Variants in LGSN observed in about 807,000 individuals in gnomAD.
LGSN encodes lengsin, lens protein with glutamine synthetase domain.
A neutral mutation model predicts 19.5 loss-of-function variants in LGSN; 21 were observed. That is an observed-to-expected ratio of 1.07 (90% confidence interval 0.76 to 1.55). LGSN has a LOEUF of 1.55. Ranked by LOEUF, LGSN falls within the 40% of genes most tolerant of loss-of-function variation. The pLI, the probability that LGSN is intolerant of heterozygous loss-of-function variation, is 0.00. For missense variants in LGSN, 673 were observed against 608.5 expected (o/e 1.11, Z -1.12); for synonymous variants, 257 against 215.6 (o/e 1.19, Z -1.68).
chr6:63,311,968 A>G (rs1326590621), intron 1 of LGSN, among the ~76,000 whole-genome samples: 1 of 152,184 alleles, frequency 6.6e-6, no homozygotes. Context: ...CACATCACAT[A>G]TAAGTGAGAT....
At chr6:63,549,309 C>G in the LGSN span, 7 of 753,300 alleles carry the variant, frequency 9.3e-6, no homozygotes, top group South Asian at 5.5e-5. Context: ...GAGGATGGCT[C>G]TCTGCCGCTG....
chr6:63,283,584 CAT>C (rs1186589622), intron 3 of LGSN, among the ~76,000 whole-genome samples: 2 of 149,340 alleles, frequency 1.3e-5, no homozygotes, highest in African/African-American at 4.9e-5. Flanking sequence ...ACCACACACA[CAT>C]GCAATGTTTA....
At chr6:63,283,649 TACAC>T (rs151104344) in intron 3 of LGSN, among the ~76,000 whole-genome samples, 2 of 145,480 alleles carry the variant, frequency 1.4e-5, no homozygotes, top group Non-Finnish European at 1.5e-5. Context: ...TGGAATAAGG[TACAC>T]ACACACACAC....
chr6:63,446,046 C>G, the LGSN span, among the ~76,000 whole-genome samples: 10 of 151,898 alleles, frequency 6.6e-5, no homozygotes, highest in African/African-American at 2.4e-4. Context: ...GTCAGGAGTT[C>G]GAGACCAGCC....
At chr6:63,339,365 G>A in the LGSN span, among the ~76,000 whole-genome samples, 4 of 152,192 alleles carry the variant, frequency 2.6e-5, no homozygotes, top group South Asian at 2.1e-4. Flanking sequence ...TATATTGAGC[G>A]CACATATATT....
the LGSN span, among the ~76,000 whole-genome samples, chr6:63,336,982 G>A: frequency 6.6e-6 from 1 of 151,208 alleles, no homozygotes; most frequent in Non-Finnish European, 1.5e-5. Context: ...GGAGTGCAAT[G>A]GCACAATCTC....
At chr6:63,408,974 A>C in the LGSN span, among the ~76,000 whole-genome samples, 1 of 152,190 alleles carries the variant, frequency 6.6e-6, no homozygotes, top group Non-Finnish European at 1.5e-5. Flanking sequence ...GCAGTAGTGC[A>C]ATTATAGCTC....
At chr6:63,360,089 C>T in the LGSN span, among the ~76,000 whole-genome samples, 1 of 151,652 alleles carries the variant, frequency 6.6e-6, no homozygotes, top group East Asian at 1.9e-4. Flanking sequence ...TCTGGGTGCT[C>T]TTAACATTTT....
At chr6:63,433,335 T>C in the LGSN span, among the ~76,000 whole-genome samples, 3 of 152,210 alleles carry the variant, frequency 2.0e-5, no homozygotes, top group Admixed American at 6.5e-5. Context: ...TTATTTCTTA[T>C]AGCTATACTA....
chr6:63,315,221 C>T (rs1001338173), intron 1 of LGSN, among the ~76,000 whole-genome samples: 6 of 152,062 alleles, frequency 3.9e-5, no homozygotes, highest in Non-Finnish European at 7.4e-5. Flanking sequence ...AAGTATAAGG[C>T]CAGAAAGGAC....
intron 1 of LGSN, among the ~76,000 whole-genome samples, chr6:63,314,123 C>A (rs1049206911): frequency 3.3e-5 from 5 of 152,000 alleles, no homozygotes; most frequent in Non-Finnish European, 7.4e-5. Context: ...ATGTTTGTGT[C>A]CCCCACAAAC....
the LGSN span, among the ~76,000 whole-genome samples, chr6:63,449,285 C>T: frequency 6.6e-6 from 1 of 151,960 alleles, no homozygotes; most frequent in Admixed American, 6.6e-5. Context: ...ACAGGCTGGG[C>T]GCGGTGGCTC....
the LGSN span, among the ~76,000 whole-genome samples, chr6:63,423,377 A>G: frequency 6.6e-6 from 1 of 152,084 alleles, no homozygotes. Flanking sequence ...AAAGTGGCTC[A>G]TGCCTGTAAA....
chr6:63,489,666 G>T, the LGSN span, among the ~76,000 whole-genome samples: 8 of 151,658 alleles, frequency 5.3e-5, no homozygotes. Context: ...CGCCACACCC[G>T]ACCTGGATTT....
the LGSN span, among the ~76,000 whole-genome samples, chr6:63,460,477 T>C: frequency 6.6e-6 from 1 of 152,178 alleles, no homozygotes; most frequent in South Asian, 2.1e-4. Context: ...AGAAAATTTC[T>C]ATCTTTGAAT....
chr6:63,561,697 C>T, the LGSN span, among the ~76,000 whole-genome samples: 2 of 152,154 alleles, frequency 1.3e-5, no homozygotes, highest in African/African-American at 2.4e-5. Flanking sequence ...TTTATAGCCA[C>T]AAACATGATA....
the LGSN span, among the ~76,000 whole-genome samples, chr6:63,349,918 G>T: frequency 6.6e-6 from 1 of 152,098 alleles, no homozygotes; most frequent in Non-Finnish European, 1.5e-5. Flanking sequence ...TGGCATTTAG[G>T]GATAAGCTGG....
At chr6:63,297,505 G>T (rs930203978) in intron 1 of LGSN, among the ~76,000 whole-genome samples, 1 of 152,020 alleles carries the variant, frequency 6.6e-6, no homozygotes, top group Non-Finnish European at 1.5e-5. Flanking sequence ...ACATACTAGG[G>T]TGATCAGCAT....
At chr6:63,527,009 ATTG>A in the LGSN span, among the ~76,000 whole-genome samples, 1 of 151,856 alleles carries the variant, frequency 6.6e-6, no homozygotes, top group Non-Finnish European at 1.5e-5. Context: ...ACATGAGCTC[ATTG>A]TTGTTCCCTG....
Sources: allele counts gnomAD v4.1 joint callset (sites outside exome capture counted in the v4.1 genomes callset), GRCh38; gene constraint gnomAD v4.1.1; transcripts MANE v1.5; gene names NCBI Gene and HGNC (gene_info 2026-07-23, HGNC 2026-07-21).